Variants in RNFT2 observed in about 807,000 individuals in gnomAD.
RNFT2 encodes the protein ring finger protein, transmembrane 2.
RNFT2 carries 36 observed loss-of-function variants against 53.0 expected under a neutral mutation model. The observed-to-expected ratio is 0.68, with a 90% CI of 0.52 to 0.90. The LOEUF (loss-of-function observed/expected upper bound fraction) is 0.90, where lower values mean the gene tolerates loss of function less well. Among genes scored for constraint, RNFT2 ranks in the 40% least tolerant of loss-of-function variants. The probability of loss-of-function intolerance (pLI) is 0.00; values close to 1 mark genes in which losing one functional copy is unlikely to be tolerated. For synonymous variants in RNFT2, 260 were observed against 253.2 expected, an observed-to-expected ratio of 1.03 and a Z score of -0.26; for missense variants, 514 against 585.6, an observed-to-expected ratio of 0.88 and a Z score of 1.26.
intron 7 of RNFT2, among the ~76,000 whole-genome samples, chr12:116,788,994 A>G (rs540436127): frequency 7.7e-6 from 1 of 130,146 alleles, no homozygotes; most frequent in East Asian, 2.7e-4. Context: ...GGGTAGATAA[A>G]TGAGAGGAGA....
chr12:116,852,432 TC>T lies in RNFT2; in HGVS notation c.*2986del. The T allele has an allele frequency of 7.2e-7, 1 of 1,397,014 alleles. No homozygotes were observed. The highest frequency in any genetic ancestry group is 1.5e-5 in the South Asian group (1 of 65,442). 86.5% of individuals were successfully genotyped at this position (1,397,014 alleles called of 1,614,324 possible). On this transcript the variant is annotated 3_prime_UTR_variant, in exon 11 of 11. Coordinates refer to ENST00000257575, the MANE Select transcript of RNFT2 (RefSeq NM_001382266.1). ...TCCTGGTACCCAGCAAGACGTCTGT[TC>T]CAGGGCAGTGTAGCATCTTTCAAGC...
At chr12:116,763,795 G>A (rs896096574) in intron 5 of RNFT2, among the ~76,000 whole-genome samples, 23 of 104,814 alleles carry the variant, frequency 2.2e-4, no homozygotes, top group African/African-American at 6.5e-4. Flanking sequence ...AAAAGGGGGC[G>A]GGGGGGGAAA....
intron 7 of RNFT2, among the ~76,000 whole-genome samples, chr12:116,786,819 G>A (rs940998652): frequency 2.0e-5 from 3 of 152,124 alleles, no homozygotes; most frequent in East Asian, 3.9e-4. Context: ...CACTGCCTCC[G>A]GAGGCTCAAG....
At chr12:116,821,859 C>A (rs1393912356) in intron 7 of RNFT2, among the ~76,000 whole-genome samples, 1 of 109,784 alleles carries the variant, frequency 9.1e-6, no homozygotes, top group Non-Finnish European at 1.6e-5. Flanking sequence ...CTCTGTCGCC[C>A]AGGCTGGAGT....
intron 5 of RNFT2, among the ~76,000 whole-genome samples, chr12:116,766,530 G>A (rs1872919817): frequency 6.6e-6 from 1 of 152,166 alleles, no homozygotes; most frequent in African/African-American, 2.4e-5. Context: ...TTTGACCAGG[G>A]ATTTGAATGT....
chr12:116,783,908 T>G (rs1176158279), intron 7 of RNFT2, among the ~76,000 whole-genome samples: 1 of 152,252 alleles, frequency 6.6e-6, no homozygotes, highest in Non-Finnish European at 1.5e-5. Flanking sequence ...AACCGTGTAC[T>G]GGCCACTGTC....
chr12:116,743,241 AAAAC>A lies in RNFT2; in HGVS notation c.83+2148_83+2151del, dbSNP rs1305129564. Among the ~76,000 whole-genome samples the A allele has an allele frequency of 8.0e-3, 808 of 100,970 alleles. 222 individuals carry two copies. The highest frequency in any genetic ancestry group is 0.015 in the African/African-American group (323 of 20,896). The allele number at this position is 100,970 out of a possible 152,430, so 66.2% of individuals were successfully genotyped here. A position where few individuals can be genotyped will look rare whatever the true frequency, so the allele number is the denominator to read the frequency against. Reference sequence around the variant, plus strand: ...AAAAAAAAAAAAAAAAAAAAAAAAAAAAACCGGTTAAAAAACACTCATGAGCTAG... The same window carrying A: ...AAAAAAAAAAAAAAAAAAAAAAAAAACGGTTAAAAAACACTCATGAGCTAG... On this transcript the variant is annotated intron_variant, in intron 3 of 10. Coordinates refer to ENST00000257575, the MANE Select transcript of RNFT2 (RefSeq NM_001382266.1).
chr12:116,770,963 T>A (rs1395818529), intron 6 of RNFT2, among the ~76,000 whole-genome samples: 3 of 152,140 alleles, frequency 2.0e-5, no homozygotes, highest in Non-Finnish European at 4.4e-5. Flanking sequence ...CATTCACCCA[T>A]TTTTATTAGT....
chr12:116,807,029 T>C (rs1875116938), intron 7 of RNFT2, among the ~76,000 whole-genome samples: 1 of 152,186 alleles, frequency 6.6e-6, no homozygotes, highest in Admixed American at 6.5e-5. Flanking sequence ...TAGATCTCAT[T>C]GGCCACCACT....
At chr12:116,789,628 G>A in intron 7 of RNFT2, among the ~76,000 whole-genome samples, 1 of 135,320 alleles carries the variant, frequency 7.4e-6, no homozygotes, top group Non-Finnish European at 1.5e-5. Context: ...GGATGGATGG[G>A]AGGAGAGTGG....
At chr12:116,814,283 C>T (rs1875527681) in intron 7 of RNFT2, among the ~76,000 whole-genome samples, 2 of 152,150 alleles carry the variant, frequency 1.3e-5, no homozygotes, top group Non-Finnish European at 2.9e-5. Context: ...AGTGAAGAAG[C>T]AGAGCATGCA....
At chr12:116,806,395 TATATAGATAG>T (rs1183661248) in intron 7 of RNFT2, among the ~76,000 whole-genome samples, 4 of 139,486 alleles carry the variant, frequency 2.9e-5, no homozygotes, top group Non-Finnish European at 6.1e-5. Flanking sequence ...TATATATATA[TATATAGATAG>T]ATAGATAGAT....
chr12:116,840,194 G>T (rs1877182390), intron 10 of RNFT2, among the ~76,000 whole-genome samples: 1 of 152,208 alleles, frequency 6.6e-6, no homozygotes, highest in Admixed American at 6.5e-5. Flanking sequence ...AGGCAAGAGG[G>T]CAAGAGAATG....
At chr12:116,798,960 G>A (rs1874638794) in intron 7 of RNFT2, among the ~76,000 whole-genome samples, 1 of 152,080 alleles carries the variant, frequency 6.6e-6, no homozygotes, top group African/African-American at 2.4e-5. Context: ...ACTCATTTAT[G>A]AGTTCACAGT....
chr12:116,762,088 A>G (rs1403201511), intron 5 of RNFT2, among the ~76,000 whole-genome samples: 2 of 151,874 alleles, frequency 1.3e-5, no homozygotes, highest in Non-Finnish European at 2.9e-5. Context: ...AAACAGAAAA[A>G]AAGAAAAGAG....
Position 116,763,899 on chromosome 12 carries a change from A to C in RNFT2, c.628-2915A>C, listed in dbSNP as rs118056840. Among the ~76,000 whole-genome samples, 1,761 of 152,266 alleles carry C rather than the reference A, an allele frequency of 0.012. 87 individuals are homozygous for C. The East Asian group carries it at 0.14, about 12-fold the overall frequency. ...GTCATTATACGAAAAAAATACTTAC[A>C]TACTCATGTTTATAGCAGCACAATT... On this transcript the variant is annotated intron_variant, in intron 5 of 10. Coordinates refer to ENST00000257575, the MANE Select transcript of RNFT2 (RefSeq NM_001382266.1).
intron 7 of RNFT2, among the ~76,000 whole-genome samples, chr12:116,824,985 C>G (rs1175634054): frequency 6.6e-6 from 1 of 152,122 alleles, no homozygotes; most frequent in Non-Finnish European, 1.5e-5. Context: ...TTTTGCAGGT[C>G]AGGAGTTCAG....
intron 5 of RNFT2, chr12:116,755,894 A>G (rs974014428): frequency 5.0e-6 from 7 of 1,399,628 alleles, no homozygotes; most frequent in Non-Finnish European, 6.0e-6. Flanking sequence ...TTACTAGAAG[A>G]TGGCAGTTCC....
At chr12:116,790,848 T>C (rs1874199383) in intron 7 of RNFT2, among the ~76,000 whole-genome samples, 1 of 152,256 alleles carries the variant, frequency 6.6e-6, no homozygotes, top group South Asian at 2.1e-4. Flanking sequence ...TCCCAGCTAC[T>C]TGGGAGGCTG....
Sources: allele counts gnomAD v4.1 joint callset (sites outside exome capture counted in the v4.1 genomes callset), GRCh38; gene constraint gnomAD v4.1.1; transcripts MANE v1.5; gene names NCBI Gene and HGNC (gene_info 2026-07-23, HGNC 2026-07-21).